Variants in PFKFB3 observed in about 807,000 individuals in gnomAD.
The protein encoded by PFKFB3 is 6-phosphofructo-2-kinase/fructose-2,6-biphosphatase 3.
A neutral mutation model predicts 68.0 loss-of-function variants in PFKFB3; 33 were observed. The observed-to-expected ratio is 0.49, with a 90% confidence interval of 0.37 to 0.65. The LOEUF (loss-of-function observed/expected upper bound fraction) is 0.65. PFKFB3 is among the 30% of genes least tolerant of loss of function. PFKFB3 has a pLI of 0.00. For missense variants in PFKFB3, 586 were observed against 712.2 expected (o/e 0.82, Z 2.02); for synonymous variants, 315 against 288.2 (o/e 1.09, Z -0.94).
At position 6,221,699 on chromosome 10, in the gene PFKFB3, C is replaced by G. The variant is rs141885543; in HGVS notation, c.1037C>G (p.Ala346Gly). 6.2e-7 allele frequency: 1 copy of G among 1,609,206 alleles called. No homozygotes were observed. The highest frequency in any genetic ancestry group is 8.5e-7 in the Non-Finnish European group (1 of 1,178,352). ...AGGGACACCTACCCTGAGGAGTATG[C>G]GCTGCGGGAGCAGGACAAGTACTAT... Reference protein sequence around the residue: ...EIRDTYPEEYALREQDKYYYR... With the variant: ...EIRDTYPEEYGLREQDKYYYR... Residue 346 changes from alanine to glycine, a missense_variant, in exon 10 of 15, where the codon GCG (alanine) becomes GGG (glycine). By Grantham distance (60) the Ala-to-Gly change is moderately conservative (BLOSUM62 0). Coordinates refer to ENST00000379775, the MANE Select transcript of PFKFB3 (RefSeq NM_004566.4).
At chr10:6,244,792 G>A (rs1470889824) in intron 14 of PFKFB3, among the ~76,000 whole-genome samples, 1 of 152,130 alleles carries the variant, frequency 6.6e-6, no homozygotes, top group East Asian at 1.9e-4. Context: ...AGAAAGGCTG[G>A]GTTAAATCAG....
the PFKFB3 span, among the ~76,000 whole-genome samples, chr10:6,318,583 C>G: frequency 6.6e-6 from 1 of 152,186 alleles, no homozygotes; most frequent in Non-Finnish European, 1.5e-5. Flanking sequence ...TGACTTGCAA[C>G]AGAGATGCTC....
intron 1 of PFKFB3, among the ~76,000 whole-genome samples, chr10:6,170,440 G>A (rs1842273134): frequency 6.6e-6 from 1 of 152,168 alleles, no homozygotes; most frequent in South Asian, 2.1e-4. Context: ...ACTACAGCAG[G>A]GTGCAGTGGT....
Position 6,217,127 on chromosome 10 carries a change from TCCA to T in PFKFB3, c.442-4_442-2del, listed in dbSNP as rs766568955. 4.3e-6 allele frequency: 7 copies of T among 1,614,004 alleles called. No individual in the cohort carries two copies. Among genetic ancestry groups the T allele is most frequent in the Admixed American group, 3.3e-5 (2 of 60,022 alleles). The stretch of plus-strand genomic sequence containing the variant: ...TGTTTTCTAACATCCCCACCTCACT[TCCA>T]CCAGGCGTTTTTCATCGAGTCGGTG... On this transcript the variant is annotated splice_polypyrimidine_tract_variant and splice_region_variant and intron_variant, in intron 5 of 14. Coordinates refer to ENST00000379775, the MANE Select transcript of PFKFB3 (RefSeq NM_004566.4).
At chr10:6,168,668 G>A (rs1842209333) in intron 1 of PFKFB3, among the ~76,000 whole-genome samples, 1 of 152,168 alleles carries the variant, frequency 6.6e-6, no homozygotes, top group Non-Finnish European at 1.5e-5. Context: ...CCATTGCTAC[G>A]ACCATTATGC....
intron 5 of PFKFB3, 63 bp downstream of exon 5, chr10:6,216,843 G>A (rs1169847531): frequency 3.3e-5 from 39 of 1,198,670 alleles, no homozygotes; most frequent in East Asian, 4.7e-5. Context: ...TTCAGGAAGC[G>A]GCCTGAGTCC....
chr10:6,159,261 G>C (rs971235406), intron 1 of PFKFB3, among the ~76,000 whole-genome samples: 4 of 152,042 alleles, frequency 2.6e-5, no homozygotes, highest in Admixed American at 6.6e-5. Context: ...CAGGCGTGGC[G>C]GTGGGCACCT....
In PFKFB3 at chr10:6,223,878, A is replaced by G. The variant is rs41291275; in HGVS notation, c.1214-80A>G. On this transcript the variant is annotated intron_variant, in intron 11 of 14. Coordinates refer to ENST00000379775, the MANE Select transcript of PFKFB3 (RefSeq NM_004566.4). The stretch of plus-strand genomic sequence containing the variant: ...GTGATCCACCTGCCTCGGCCTCCCA[A>G]AGTGCTGGGATTACAGGCGTGAGCC... The G allele has an allele frequency of 1.4e-3, 1,820 of 1,283,634 alleles. 2 individuals carry two copies. The highest frequency in any genetic ancestry group is 1.9e-3 in the Non-Finnish European group (1,651 of 879,130). 79.5% of individuals were successfully genotyped at this position (1,283,634 alleles called of 1,614,324 possible).
chr10:6,239,159 T>C (rs1846087566), downstream of PFKFB3, among the ~76,000 whole-genome samples: 1 of 152,100 alleles, frequency 6.6e-6, no homozygotes, highest in African/African-American at 2.4e-5. Flanking sequence ...GAAGATGAAA[T>C]ATGAATGAAA....
chr10:6,249,861 A>G (rs1846339825), intron 14 of PFKFB3, among the ~76,000 whole-genome samples: 1 of 152,226 alleles, frequency 6.6e-6, no homozygotes, highest in African/African-American at 2.4e-5. Flanking sequence ...AATGATAAGT[A>G]TTTGAGGTGA....
intron 1 of PFKFB3, among the ~76,000 whole-genome samples, chr10:6,211,751 G>A (rs1345724272): frequency 6.6e-6 from 1 of 152,222 alleles, no homozygotes; most frequent in Non-Finnish European, 1.5e-5. Flanking sequence ...TGGACATCAA[G>A]AGCATGGCAG....
At chr10:6,263,260 C>G in the PFKFB3 span, among the ~76,000 whole-genome samples, 1 of 152,232 alleles carries the variant, frequency 6.6e-6, no homozygotes, top group Admixed American at 6.5e-5. Context: ...GGAGCATGTC[C>G]TTAAGGCACA....
At chr10:6,243,394 G>C (rs1846184110) in intron 14 of PFKFB3, among the ~76,000 whole-genome samples, 1 of 152,182 alleles carries the variant, frequency 6.6e-6, no homozygotes, top group Non-Finnish European at 1.5e-5. Flanking sequence ...AAGTTAGTCA[G>C]GAATGGCAAG....
At chr10:6,216,674 T>G in intron 4 of PFKFB3, 32 bp from the exon 5 acceptor site, 1 of 1,463,290 alleles carries the variant, frequency 6.8e-7, no homozygotes, top group Non-Finnish European at 9.6e-7. Flanking sequence ...AAACTTAGAG[T>G]TTTCTTCCTG....
At chr10:6,160,441 G>T (rs1341259524) in intron 1 of PFKFB3, among the ~76,000 whole-genome samples, 1 of 152,200 alleles carries the variant, frequency 6.6e-6, no homozygotes, top group Non-Finnish European at 1.5e-5. Flanking sequence ...CAGTTTCCTG[G>T]GTGCGGTGGC....
At chr10:6,306,711 A>C in the PFKFB3 span, among the ~76,000 whole-genome samples, 1 of 152,294 alleles carries the variant, frequency 6.6e-6, no homozygotes, top group African/African-American at 2.4e-5. Flanking sequence ...GACTTCCCCC[A>C]TGGAAGGCCG....
rs531902061 is a variant in PFKFB3, at chr10:6,219,259, C to T, written c.499-310C>T. 2.0e-4 allele frequency among the ~76,000 whole-genome samples: 31 copies of T among 152,336 alleles called. No homozygotes were observed. The East Asian group carries it at 2.1e-3, about 10-fold the overall frequency. On this transcript the variant is annotated intron_variant, in intron 6 of 14. Transcript: ENST00000379775. ...TTGAGTTCAGCGCCAGGCTGTCTGG[C>T]GGTGACTCGGGCACGGGACAGATCC...
chr10:6,196,248 A>G (rs1843172960), intron 1 of PFKFB3, among the ~76,000 whole-genome samples: 1 of 151,760 alleles, frequency 6.6e-6, no homozygotes, highest in South Asian at 2.1e-4. Flanking sequence ...CTTCCACCTC[A>G]GCCTCCCAAG....
chr10:6,224,313 C>A, intron 13 of PFKFB3, 100 bp downstream of exon 13: 1 of 1,140,884 alleles, frequency 8.8e-7, no homozygotes, highest in Non-Finnish European at 1.3e-6. Context: ...CCTGCAGGTG[C>A]TGGCCTGTCT....
Sources: gnomAD v4.1 joint callset for allele counts (sites outside exome capture counted in the v4.1 genomes callset) on GRCh38, gnomAD v4.1.1 for gene constraint, MANE v1.5 for transcripts, NCBI Gene and HGNC (gene_info 2026-07-23, HGNC 2026-07-21) for gene names.